The following PLS3 variants were observed in gnomAD, a reference collection of about 807,000 sequenced individuals.
The protein encoded by PLS3 is plastin 3.
Under a neutral mutation model 46.5 loss-of-function variants are expected in PLS3, and 11 were observed. The ratio of observed to expected loss-of-function variants is 0.24; its 90% CI spans 0.15 to 0.39. The LOEUF is 0.39. Ranked by LOEUF, PLS3 falls within the 10% of genes least tolerant of loss-of-function variation. The pLI is 1.00. For missense variants in PLS3, 308 were observed against 461.8 expected (o/e 0.67, Z 3.05); for synonymous variants, 167 against 162.2 (o/e 1.03, Z -0.22).
At chrX:115,585,598 G>A (rs1178363256) in intron 1 of PLS3, among the ~76,000 whole-genome samples, 1 of 110,426 alleles carries the variant, frequency 9.1e-6, no homozygotes, top group Non-Finnish European at 1.9e-5. Flanking sequence ...CACCATGTTG[G>A]CCAGGCTGAT....
intron 8 of PLS3, among the ~76,000 whole-genome samples, chrX:115,637,319 C>G (rs1556640418): frequency 3.6e-5 from 4 of 111,245 alleles, no homozygotes; most frequent in African/African-American, 1.3e-4. Context: ...GTAAACACAC[C>G]TAGAAGAGAT....
At chrX:115,590,228 G>A (rs1338699722) in intron 1 of PLS3, among the ~76,000 whole-genome samples, 1 of 111,356 alleles carries the variant, frequency 9.0e-6, no homozygotes, top group African/African-American at 3.3e-5. Context: ...TTTGGTTTCC[G>A]TCGGCTTTCC....
Position 115,610,331 on chromosome X carries a change from T to A in PLS3, c.73+8T>A, listed in dbSNP as rs1303560801. The A allele has an allele frequency of 1.9e-5, 19 of 1,022,845 alleles. No homozygotes were observed. The highest frequency in any genetic ancestry group is 2.6e-5 in the Non-Finnish European group (19 of 740,731). The allele number at this position is 1,022,845 out of a possible 1,213,427, so 84.3% of individuals were successfully genotyped here. A position where few individuals can be genotyped will look rare whatever the true frequency, so the allele number is the denominator to read the frequency against. On this transcript the variant is annotated splice_region_variant and intron_variant, in intron 2 of 15. Coordinates refer to ENST00000355899, the MANE Select transcript of PLS3 (RefSeq NM_005032.7). Reference sequence around the variant, plus strand: ...AGGCCTTTGCAAAAGTTGGTGAGTATTTTTTGTAGTAAAACTATAGGGAAG... The same window carrying A: ...AGGCCTTTGCAAAAGTTGGTGAGTAATTTTTGTAGTAAAACTATAGGGAAG...
At chrX:115,570,278 T>C (rs1411711436) in intron 1 of PLS3, among the ~76,000 whole-genome samples, 1 of 110,675 alleles carries the variant, frequency 9.0e-6, no homozygotes, top group Non-Finnish European at 1.9e-5. Flanking sequence ...GGAGGTTTCT[T>C]AACTCTCTGA....
At chrX:115,585,765 C>T (rs1321358074) in intron 1 of PLS3, among the ~76,000 whole-genome samples, 2 of 111,060 alleles carry the variant, frequency 1.8e-5, no homozygotes, top group African/African-American at 6.5e-5. Context: ...TTAACAATTA[C>T]CAGTATTTCA....
rs782189624 is a variant in PLS3 at position 115,650,426 on chromosome X, G to A, written c.*865G>A. On this transcript the variant is annotated 3_prime_UTR_variant, in exon 16 of 16. Coordinates refer to ENST00000355899, the MANE Select transcript of PLS3 (RefSeq NM_005032.7). The stretch of plus-strand genomic sequence containing the variant: ...TGAATATGATACTTTTGAGGAGAGA[G>A]TGTGCTCAGAACTTAGACGGGATTT... 3 of 112,173 alleles carry A rather than the reference G, an allele frequency of 2.7e-5. No individual in the cohort carries two copies. Among genetic ancestry groups the A allele is most frequent in the Admixed American group, 9.5e-5 (1 of 10,473 alleles). 9.2% of individuals were successfully genotyped at this position (112,173 alleles called of 1,213,427 possible).
At chrX:115,594,531 A>G (rs982676371) in intron 1 of PLS3, among the ~76,000 whole-genome samples, 1 of 111,390 alleles carries the variant, frequency 9.0e-6, no homozygotes, top group African/African-American at 3.3e-5. Flanking sequence ...TGCTTCGTGT[A>G]TATAGTGATT....
At chrX:115,565,489 C>G (rs1556630013) in intron 1 of PLS3, among the ~76,000 whole-genome samples, 3 of 111,164 alleles carry the variant, frequency 2.7e-5, no homozygotes, top group African/African-American at 9.8e-5. Context: ...ATAATTTGAC[C>G]TTCGGAAAGT....
intron 5 of PLS3, among the ~76,000 whole-genome samples, chrX:115,633,316 G>A (rs2074797339): frequency 9.1e-6 from 1 of 109,432 alleles, no homozygotes; most frequent in African/African-American, 3.3e-5. Context: ...GACTACAGGT[G>A]TGTGCCACCA....
intron 2 of PLS3, among the ~76,000 whole-genome samples, chrX:115,618,235 T>C (rs782477321): frequency 8.9e-5 from 10 of 112,037 alleles, no homozygotes; most frequent in Non-Finnish European, 1.7e-4. Flanking sequence ...ATTATAACAC[T>C]GAGAATACAA....
chrX:115,648,511 T>G (rs2074974054), intron 15 of PLS3, among the ~76,000 whole-genome samples: 1 of 111,262 alleles, frequency 9.0e-6, no homozygotes, highest in Admixed American at 9.6e-5. Context: ...TGAAAGTTTC[T>G]TGCATTTCAA....
At chrX:115,630,892 ATATATG>A (rs1556639290) in intron 5 of PLS3, among the ~76,000 whole-genome samples, 1 of 96,091 alleles carries the variant, frequency 1.0e-5, no homozygotes, top group Admixed American at 1.3e-4. Context: ...TATATGTATA[ATATATG>A]TATATTATAC....
intron 14 of PLS3, 80 bp from the exon 15 acceptor site, chrX:115,647,813 G>C: frequency 5.1e-6 from 6 of 1,169,947 alleles, no homozygotes; most frequent in Non-Finnish European, 6.9e-6. Context: ...ACTGGGCTTT[G>C]TTTTTGGCAC....
chrX:115,624,405 T>A (rs2074690507), intron 3 of PLS3: 1 of 111,843 alleles, frequency 8.9e-6, no homozygotes, highest in Non-Finnish European at 1.9e-5. Flanking sequence ...ATTTGCAATT[T>A]GAGCACTTGC....
chrX:115,647,859 C>G, intron 14 of PLS3, 34 bp from the exon 15 acceptor site: 2 of 1,197,317 alleles, frequency 1.7e-6, no homozygotes, highest in Non-Finnish European at 2.3e-6. Flanking sequence ...TTGTATGTAT[C>G]AAAATTCTCA....
At chrX:115,604,319 C>T (rs2074471144) in intron 1 of PLS3, among the ~76,000 whole-genome samples, 1 of 112,110 alleles carries the variant, frequency 8.9e-6, no homozygotes, top group African/African-American at 3.2e-5. Flanking sequence ...TCACAATTAA[C>T]CCAAGCATTC....
intron 1 of PLS3, among the ~76,000 whole-genome samples, chrX:115,575,260 G>C (rs1386635071): frequency 1.8e-5 from 2 of 111,313 alleles, no homozygotes; most frequent in African/African-American, 6.5e-5. Flanking sequence ...TGGATATTTG[G>C]GGTTGTTTCT....
intron 1 of PLS3, among the ~76,000 whole-genome samples, chrX:115,585,516 A>G (rs1020940107): frequency 9.1e-6 from 1 of 109,712 alleles, no homozygotes; most frequent in Admixed American, 9.8e-5. Flanking sequence ...TCAGGCTCCT[A>G]AGTAGCTGGG....
chrX:115,578,691 C>CAAAAAAAAAAA (rs373605509), intron 1 of PLS3, among the ~76,000 whole-genome samples: 1 of 26,958 alleles, frequency 3.7e-5, no homozygotes, highest in African/African-American at 1.3e-4. Flanking sequence ...CGCCACTGCA[C>CAAAAAAAAAAA]AAAAAAAAAA....
Sources: allele counts gnomAD v4.1 joint callset (sites outside exome capture counted in the v4.1 genomes callset), GRCh38; gene constraint gnomAD v4.1.1; transcripts MANE v1.5; gene names NCBI Gene and HGNC (gene_info 2026-07-23, HGNC 2026-07-21).